The following CCSER1 variants were observed in gnomAD, a reference collection of about 807,000 sequenced individuals.
CCSER1 encodes the protein serine-rich coiled-coil domain-containing protein 1.
Under a neutral mutation model 82.0 loss-of-function variants are expected in CCSER1, and 41 were observed. The observed-to-expected ratio is 0.50, with a 90% CI of 0.39 to 0.65. CCSER1 has a LOEUF of 0.65. Among genes scored for constraint, CCSER1 ranks in the 30% least tolerant of loss-of-function variants. The pLI is 0.00. For synonymous variants in CCSER1, 414 were observed against 383.9 expected (o/e 1.08, Z -0.92); for missense variants, 1,119 against 1,064.2 (o/e 1.05, Z -0.72).
At chr4:90,453,943 C>T (rs1420278803) in intron 4 of CCSER1, among the ~76,000 whole-genome samples, 1 of 152,136 alleles carries the variant, frequency 6.6e-6, no homozygotes, top group African/African-American at 2.4e-5. Flanking sequence ...GTCTGGACCA[C>T]CAGAGCCAGG....
intron 9 of CCSER1, among the ~76,000 whole-genome samples, chr4:90,928,196 T>G (rs1287073883): frequency 6.6e-6 from 1 of 152,072 alleles, no homozygotes; most frequent in Non-Finnish European, 1.5e-5. Flanking sequence ...AGTTATATAT[T>G]CCAGGTTTGC....
At position 91,441,353 on chromosome 4, in the gene CCSER1, G is replaced by A. The variant is rs528250994; in HGVS notation, c.2218-157219G>A. Among the ~76,000 whole-genome samples, 261 of 152,230 alleles carry A rather than the reference G, an allele frequency of 1.7e-3. 1 individual carries two copies. The highest frequency in any genetic ancestry group is 5.7e-3 in the African/African-American group (235 of 41,518). On this transcript the variant is annotated intron_variant, in intron 10 of 10. Transcript: ENST00000509176. ...ATAAATGTAACCCAGCATATAAACA[G>A]AACCAAAGACAAAAACCACATGATT...
chr4:90,908,292 G>A (rs7676836), intron 8 of CCSER1, among the ~76,000 whole-genome samples: 8,131 of 152,162 alleles, frequency 0.053, 319 homozygotes, highest in Admixed American at 0.12. Context: ...GGAATAGTAG[G>A]TTAAAACTTC....
chr4:91,043,734 G>C (rs1048435396), intron 9 of CCSER1, among the ~76,000 whole-genome samples: 7 of 151,988 alleles, frequency 4.6e-5, no homozygotes, highest in African/African-American at 1.7e-4. Flanking sequence ...GGGATCACAG[G>C]CATGTGCCAC....
chr4:90,366,248 A>G (rs1252702624), intron 3 of CCSER1, among the ~76,000 whole-genome samples: 7 of 149,450 alleles, frequency 4.7e-5, no homozygotes, highest in Non-Finnish European at 1.1e-4. Context: ...ACTACTTTCT[A>G]TTCAGGTTCA....
At chr4:90,930,914 A>G (rs1480176750) in intron 9 of CCSER1, among the ~76,000 whole-genome samples, 6 of 101,032 alleles carry the variant, frequency 5.9e-5, no homozygotes, top group Non-Finnish European at 1.1e-4. Flanking sequence ...CTTATTTTAT[A>G]TATATATATA....
intron 10 of CCSER1, among the ~76,000 whole-genome samples, chr4:91,572,807 T>C (rs904062420): frequency 3.1e-4 from 44 of 142,936 alleles, no homozygotes; most frequent in Non-Finnish European, 6.1e-4. Context: ...ACTAAAAATC[T>C]ATAAAAAAAA....
intron 6 of CCSER1, among the ~76,000 whole-genome samples, chr4:90,668,818 C>A (rs1560917132): frequency 6.6e-6 from 1 of 151,964 alleles, no homozygotes; most frequent in Non-Finnish European, 1.5e-5. Flanking sequence ...ATTGGGACTG[C>A]TGGTTATTTA....
intron 10 of CCSER1, among the ~76,000 whole-genome samples, chr4:91,290,246 G>A (rs1456094670): frequency 6.6e-6 from 1 of 151,834 alleles, no homozygotes; most frequent in African/African-American, 2.4e-5. Context: ...CACTGGGAGT[G>A]GAATGAATGA....
chr4:91,222,459 A>C (rs1037715625), intron 10 of CCSER1, among the ~76,000 whole-genome samples: 2 of 152,206 alleles, frequency 1.3e-5, no homozygotes, highest in Non-Finnish European at 2.9e-5. Context: ...TTAGTATTCT[A>C]TAAGAACTTA....
intron 9 of CCSER1, among the ~76,000 whole-genome samples, chr4:91,016,934 A>G (rs1739479870): frequency 6.6e-6 from 1 of 152,104 alleles, no homozygotes; most frequent in Admixed American, 6.6e-5. Context: ...TGAATATAGG[A>G]GAGAAGAAAA....
chr4:90,184,471 GA>G (rs1324730842), intron 1 of CCSER1, among the ~76,000 whole-genome samples: 1 of 152,142 alleles, frequency 6.6e-6, no homozygotes, highest in East Asian at 1.9e-4. Flanking sequence ...CTGGAGCATG[GA>G]GGGTAGGGAA....
intron 10 of CCSER1, among the ~76,000 whole-genome samples, chr4:91,126,114 G>C (rs1471477482): frequency 9.2e-5 from 14 of 151,616 alleles, no homozygotes; most frequent in Non-Finnish European, 1.9e-4. Flanking sequence ...TAAATTTTTT[G>C]TATATAAAGT....
chr4:91,324,428 G>A (rs901927996), intron 10 of CCSER1, among the ~76,000 whole-genome samples: 1 of 152,042 alleles, frequency 6.6e-6, no homozygotes, highest in Non-Finnish European at 1.5e-5. Flanking sequence ...TTGTTCACAC[G>A]AGCAAAATGT....
chr4:90,810,818 A>G (rs1758166774), intron 7 of CCSER1, among the ~76,000 whole-genome samples: 1 of 150,578 alleles, frequency 6.6e-6, no homozygotes, highest in East Asian at 2.0e-4. Flanking sequence ...TTTCTAGTGA[A>G]ATAAAGAGTA....
At position 90,202,826 on chromosome 4, in the gene CCSER1, C is replaced by A. The variant is rs571346684; in HGVS notation, c.-42+74995C>A. ...ACCTTTCTTCTCATTTATAGAAATG[C>A]ATTTTTCGTGAACCACAGCTGCTTA... On this transcript the variant is annotated intron_variant, in intron 1 of 10. Transcript: ENST00000509176. Among the ~76,000 whole-genome samples, 64 of 152,288 alleles carry A rather than the reference C, an allele frequency of 4.2e-4. 1 individual carries two copies. Among genetic ancestry groups the A allele is most frequent in the Non-Finnish European group, 4.3e-4 (29 of 68,024 alleles).
At chr4:91,441,174 G>C (rs1409828217) in intron 10 of CCSER1, among the ~76,000 whole-genome samples, 2 of 151,984 alleles carry the variant, frequency 1.3e-5, no homozygotes, top group Non-Finnish European at 2.9e-5. Context: ...CCAAAAAAGA[G>C]AGTTTTAGAC....
intron 7 of CCSER1, among the ~76,000 whole-genome samples, chr4:90,809,455 T>C (rs1321006377): frequency 6.6e-6 from 1 of 152,110 alleles, no homozygotes; most frequent in East Asian, 1.9e-4. Flanking sequence ...AAATACCCCA[T>C]GTTCTTATTT....
At chr4:90,686,728 G>T (rs1426689338) in intron 6 of CCSER1, among the ~76,000 whole-genome samples, 2 of 152,112 alleles carry the variant, frequency 1.3e-5, no homozygotes, top group Non-Finnish European at 2.9e-5. Context: ...CAAGCATTTA[G>T]CCAAGTGCTT....
Sources: gnomAD v4.1 joint callset for allele counts (sites outside exome capture counted in the v4.1 genomes callset) on GRCh38, gnomAD v4.1.1 for gene constraint, MANE v1.5 for transcripts, NCBI Gene and HGNC (gene_info 2026-07-23, HGNC 2026-07-21) for gene names.